TCF25: variants seen among roughly 807,000 people sequenced by gnomAD.
TCF25 encodes the protein ribosome quality control complex subunit TCF25.
TCF25 carries 41 observed loss-of-function variants against 83.1 expected under a neutral mutation model. The observed-to-expected ratio is 0.49, with a 90% confidence interval of 0.38 to 0.64. The LOEUF is 0.64. Among genes scored for constraint, TCF25 ranks in the 30% least tolerant of loss-of-function variants. The probability of loss-of-function intolerance (pLI) is 0.00; values close to 1 mark genes in which losing one functional copy is unlikely to be tolerated. For missense variants in TCF25, 979 were observed against 914.5 expected, an observed-to-expected ratio of 1.07 and a Z score of -0.91; for synonymous variants, 458 against 365.0, an observed-to-expected ratio of 1.25 and a Z score of -2.90.
Position 89,906,190 on chromosome 16 carries a change from C to G in TCF25, c.1629-4C>G. On this transcript the variant is annotated splice_region_variant and splice_polypyrimidine_tract_variant and intron_variant, in intron 14 of 17. Transcript: ENST00000263346. ...TGCTGTGCCTTGTTTCTCCCCGGCC[C>G]TAGGCGGAAGGTGCTCTACCAGCGT... The G allele has an allele frequency of 3.7e-6, 6 of 1,613,026 alleles. No homozygotes were observed. Among genetic ancestry groups the G allele is most frequent in the Non-Finnish European group, 5.1e-6 (6 of 1,179,864 alleles).
At chr16:89,877,858 A>G (rs1003768717) in intron 1 of TCF25, among the ~76,000 whole-genome samples, 1 of 152,258 alleles carries the variant, frequency 6.6e-6, no homozygotes, top group African/African-American at 2.4e-5. Flanking sequence ...CTTCTTGCTA[A>G]TAAATTTTCC....
In TCF25 at chr16:89,875,507, A is replaced by C. The variant is rs1173070786; in HGVS notation, c.192+1648A>C. On this transcript the variant is annotated intron_variant, in intron 1 of 17. Coordinates refer to ENST00000263346, the MANE Select transcript of TCF25 (RefSeq NM_014972.3). ...AGTGTCTTCACATAGATATTCCCTG[A>C]CGTGAGTTTTTTTTTTTTTTTTTTT... Among the ~76,000 whole-genome samples the C allele has an allele frequency of 2.2e-5, 3 of 134,670 alleles. No homozygotes were observed. In the Admixed American group the frequency reaches 2.3e-4, roughly 10 times the overall value. The allele number at this position is 134,670 out of a possible 152,430, so 88.3% of individuals were successfully genotyped here.
At chr16:89,884,539 T>G in intron 2 of TCF25, 43 bp from the exon 3 acceptor site, 1 of 1,601,338 alleles carries the variant, frequency 6.2e-7, no homozygotes. Flanking sequence ...CTTCTTAAGA[T>G]TTACTTCTCA....
chr16:89,884,624 A>G lies in TCF25; in HGVS notation c.397A>G (p.Lys133Glu). Residue 133 changes from lysine to glutamate, a missense_variant, in exon 3 of 18, where the codon AAA becomes GAA. Physicochemically the swap from Lys to Glu is moderately conservative, Grantham distance 56. Coordinates refer to ENST00000263346, the MANE Select transcript of TCF25 (RefSeq NM_014972.3). ...GKLRKKKKKQ[K>E]NKKSSTGEAS... ...ACTCCGGAAGAAGAAAAAAAAACAGAAAAACAAGAAAAGCAGCACGGGAGA... is the reference window on the plus strand; with the variant it reads ...ACTCCGGAAGAAGAAAAAAAAACAGGAAAACAAGAAAAGCAGCACGGGAGA... 6.2e-7 allele frequency: 1 copy of G among 1,613,548 alleles called. No homozygotes were observed. The highest frequency in any genetic ancestry group is 1.3e-5 in the African/African-American group (1 of 74,962).
intron 16 of TCF25, among the ~76,000 whole-genome samples, chr16:89,908,489 C>A (rs916069984): frequency 7.5e-5 from 10 of 132,804 alleles, no homozygotes; most frequent in Non-Finnish European, 8.2e-5. Context: ...GCTCCCACCT[C>A]TTTCCTCGCA....
chr16:89,908,629 CCCA>C (rs2045244384), intron 16 of TCF25, among the ~76,000 whole-genome samples: 1 of 117,814 alleles, frequency 8.5e-6, no homozygotes, highest in African/African-American at 3.3e-5. Flanking sequence ...CCTCCCAGCT[CCCA>C]CCTCCCACCT....
In TCF25 at chr16:89,904,938, C is replaced by G. The variant is rs988560271; in HGVS notation, c.1470C>G (p.Ser490Arg). Residue 490 changes from serine (S) to arginine (R), a missense_variant and splice_region_variant, in exon 14 of 18, where the codon AGC (serine) becomes AGG (arginine). Coordinates refer to ENST00000263346, the MANE Select transcript of TCF25 (RefSeq NM_014972.3). ...GCTCAGAGCCCTTGCTCTCCCCCAG[C>G]CAGCCCCCTGCCCTGAGCCAGCTGG... Reference protein sequence around the residue: ...HRFFGPNAEISQPPALSQLVN... With the variant: ...HRFFGPNAEIRQPPALSQLVN... The G allele has an allele frequency of 1.9e-6, 3 of 1,604,200 alleles. No homozygotes were observed. The highest frequency in any genetic ancestry group is 1.3e-5 in the African/African-American group (1 of 74,682).
chr16:89,909,837 A>G (rs1260694735), intron 16 of TCF25: 2 of 152,506 alleles, frequency 1.3e-5, no homozygotes, highest in Non-Finnish European at 2.9e-5. Context: ...CCAGGAGCAG[A>G]GCACACGGCA....
Position 89,886,062 on chromosome 16 carries a change from C to T in TCF25, c.548+96C>T, listed in dbSNP as rs780957798. Reference sequence around the variant, plus strand: ...CGGCTGCCCTTCTCTGTGGCTGCCACAGAGACTTCGTGGGAGGAAAAGGTT... The same window carrying T: ...CGGCTGCCCTTCTCTGTGGCTGCCATAGAGACTTCGTGGGAGGAAAAGGTT... On this transcript the variant is annotated intron_variant, in intron 4 of 17. Coordinates refer to ENST00000263346, the MANE Select transcript of TCF25 (RefSeq NM_014972.3). 7.1e-6 allele frequency: 5 copies of T among 705,026 alleles called. No homozygotes were observed. In the African/African-American group the frequency reaches 9.6e-5, roughly 14 times the overall value. 43.7% of individuals were successfully genotyped at this position (705,026 alleles called of 1,614,324 possible). A position where few individuals can be genotyped will look rare whatever the true frequency, so the allele number is the denominator to read the frequency against.
intron 1 of TCF25, among the ~76,000 whole-genome samples, chr16:89,878,996 G>C (rs1455734948): frequency 6.6e-6 from 1 of 152,254 alleles, no homozygotes; most frequent in Admixed American, 6.5e-5. Flanking sequence ...ATGCATGGCA[G>C]TAGAGATTGC....
chr16:89,878,437 T>TG (rs2042356270), intron 1 of TCF25: 1 of 884,784 alleles, frequency 1.1e-6, no homozygotes, highest in Non-Finnish European at 1.4e-6. Context: ...AATCACCATT[T>TG]TTTTTTTTTT....
At chr16:89,884,910 C>G (rs1180059398) in intron 3 of TCF25, among the ~76,000 whole-genome samples, 1 of 86,796 alleles carries the variant, frequency 1.2e-5, no homozygotes, top group African/African-American at 7.1e-5. Context: ...GCCCCTCTCC[C>G]TCTGCCTGAC....
In TCF25 at chr16:89,884,599, A is replaced by C. The variant is rs1487081510; in HGVS notation, c.372A>C (p.Lys124Asn). The change falls in exon 3 of 18, where the codon AAA (lysine) becomes AAC (asparagine). Residue 124 changes from lysine to asparagine, a missense_variant. Lys to Asn is a moderately conservative substitution (Grantham distance 94). Transcript: ENST00000263346. The stretch of plus-strand genomic sequence containing the variant: ...ATCATTAGTCTCATGCAAGTGGCAA[A>C]CTCCGGAAGAAGAAAAAAAAACAGA... ...VPSEQSHASG[K>N]LRKKKKKQKN... 10 of 1,613,632 alleles carry C rather than the reference A, an allele frequency of 6.2e-6. No individual in the cohort carries two copies. Among genetic ancestry groups the C allele is most frequent in the Non-Finnish European group, 8.5e-6 (10 of 1,179,810 alleles).
chr16:89,905,164 G>A, intron 14 of TCF25, 68 bp downstream of exon 14: 9 of 1,474,942 alleles, frequency 6.1e-6, no homozygotes, highest in Non-Finnish European at 8.1e-6. Context: ...AGACACGGGG[G>A]CCTCGCATTC....
intron 1 of TCF25, among the ~76,000 whole-genome samples, chr16:89,879,864 G>A (rs978936302): frequency 6.7e-6 from 1 of 148,268 alleles, no homozygotes; most frequent in Non-Finnish European, 1.5e-5. Context: ...CCTGTCACAC[G>A]TGTTGTCCGT....
rs371643736 is a variant in TCF25, at chr16:89,883,422, T to C, written c.264T>C (p.Ala88=). 5 of 1,613,926 alleles carry C rather than the reference T, an allele frequency of 3.1e-6. No homozygotes were observed. The African/African-American group carries it at 6.7e-5, about 22-fold the overall frequency. The change falls in exon 2 of 18, where the codon GCT becomes GCC. Residue 88 remains alanine (A), a synonymous_variant. Transcript: ENST00000263346. ...GERSGCALTD[A]VAPGNKGRGQ... ...GGTCTGGCTGTGCGCTCACAGACGC[T>C]GTGGCACCAGGGAACAAAGGAAGGG... is the stretch of plus-strand genomic sequence containing the variant.
At chr16:89,891,653 A>G (rs2043437537) in intron 5 of TCF25, among the ~76,000 whole-genome samples, 1 of 152,242 alleles carries the variant, frequency 6.6e-6, no homozygotes, top group Non-Finnish European at 1.5e-5. Flanking sequence ...TGGAAAAGGC[A>G]TGGAGCTGCT....
Position 89,910,668 on chromosome 16 carries a change from G to T in TCF25, c.1872+5G>T. The T allele has an allele frequency of 6.2e-7, 1 of 1,613,330 alleles. No individual in the cohort carries two copies. Among genetic ancestry groups the T allele is most frequent in the Non-Finnish European group, 8.5e-7 (1 of 1,179,964 alleles). ...TTGCCAAACTATACCATGGAGGTAG[G>T]TTGAGCTCGTCCCAGCCCCTGCCTC... On this transcript the variant is annotated splice_donor_5th_base_variant and intron_variant, in intron 17 of 17. Transcript: ENST00000263346.
At chr16:89,887,766 A>G in intron 5 of TCF25, 49 bp downstream of exon 5, 1 of 1,495,008 alleles carries the variant, frequency 6.7e-7, no homozygotes, top group South Asian at 1.3e-5. Flanking sequence ...ATTCCTTCTT[A>G]GACTCTTGGC....
Sources: gnomAD v4.1 joint callset for allele counts (sites outside exome capture counted in the v4.1 genomes callset) on GRCh38, gnomAD v4.1.1 for gene constraint, MANE v1.5 for transcripts, NCBI Gene and HGNC (gene_info 2026-07-23, HGNC 2026-07-21) for gene names.